The following ROBO2 variants were observed in gnomAD, a reference collection of about 807,000 sequenced individuals.
ROBO2 encodes roundabout guidance receptor 2, also known as roundabout homolog 2.
ROBO2 carries 53 observed loss-of-function variants against 160.8 expected under a neutral mutation model. The observed-to-expected ratio is 0.33, with a 90% CI of 0.26 to 0.41. The LOEUF is 0.41. Among genes scored for constraint, ROBO2 ranks in the 10% least tolerant of loss-of-function variants. ROBO2 has a pLI of 1.00. For synonymous variants in ROBO2, 664 were observed against 611.7 expected, an observed-to-expected ratio of 1.09 and a Z score of -1.26; for missense variants, 1,577 against 1,722.4, an observed-to-expected ratio of 0.92 and a Z score of 1.49.
chr3:77,523,640 C>G (rs773990073), intron 6 of ROBO2, among the ~76,000 whole-genome samples: 1 of 151,274 alleles, frequency 6.6e-6, no homozygotes, highest in South Asian at 2.1e-4. Flanking sequence ...TTGTTGATCA[C>G]GTGAGGGAAA....
chr3:76,727,936 C>T (rs1375485820), intron 2 of ROBO2, among the ~76,000 whole-genome samples: 1 of 151,832 alleles, frequency 6.6e-6, no homozygotes, highest in African/African-American at 2.4e-5. Flanking sequence ...ATGACAAATG[C>T]TTGAGGTGAT....
rs367569139 is a variant in ROBO2 at position 77,011,054 on chromosome 3, C to CTTTCTTTCTTTCTTTCTTTCT, written c.110-86958_110-86957insTCTTTCTTTCTTTCTTTCTTT. On this transcript the variant is annotated intron_variant, in intron 2 of 26. Transcript: ENST00000487694. Reference sequence around the variant, plus strand: ...GTTCTTTCTTTTCTTTTCTTTCTTTCTTCTTTCTTTCTTTCTTTCTTTCTT... The same window carrying CTTTCTTTCTTTCTTTCTTTCT: ...GTTCTTTCTTTTCTTTTCTTTCTTTCTTTCTTTCTTTCTTTCTTTCTTTCTTTCTTTCTTTCTTTCTTTCTT... 7.5e-5 allele frequency among the ~76,000 whole-genome samples: 8 copies of CTTTCTTTCTTTCTTTCTTTCT among 106,746 alleles called. No homozygotes were observed. The South Asian group carries it at 1.5e-3, about 20-fold the overall frequency. 70.0% of individuals were successfully genotyped at this position (106,746 alleles called of 152,430 possible).
intron 2 of ROBO2, among the ~76,000 whole-genome samples, chr3:77,352,281 G>T (rs999994775): frequency 1.4e-4 from 22 of 151,772 alleles, no homozygotes; most frequent in Non-Finnish European, 1.0e-4. Flanking sequence ...GAACATGTAG[G>T]CAGGAGTGAC....
intron 2 of ROBO2, among the ~76,000 whole-genome samples, chr3:76,199,400 G>A (rs189122517): frequency 4.6e-5 from 7 of 152,144 alleles, no homozygotes; most frequent in East Asian, 1.9e-4. Flanking sequence ...AAACTCCAAC[G>A]GGAGGGAAAT....
At chr3:77,565,897 G>A (rs2153664268) in intron 12 of ROBO2, among the ~76,000 whole-genome samples, 1 of 152,096 alleles carries the variant, frequency 6.6e-6, no homozygotes, top group East Asian at 1.9e-4. Flanking sequence ...GGAGTCTGAG[G>A]TTTAATATAC....
At chr3:76,086,275 G>C (rs866052206) in intron 2 of ROBO2, among the ~76,000 whole-genome samples, 6 of 152,122 alleles carry the variant, frequency 3.9e-5, no homozygotes, top group Non-Finnish European at 5.9e-5. Flanking sequence ...AAAACCACCA[G>C]ATCTCAGGAG....
chr3:77,002,944 A>G (rs2061403031), intron 2 of ROBO2, among the ~76,000 whole-genome samples: 1 of 151,338 alleles, frequency 6.6e-6, no homozygotes, highest in Non-Finnish European at 1.5e-5. Flanking sequence ...GTCTAGAAAT[A>G]CACTGTAATT....
intron 2 of ROBO2, among the ~76,000 whole-genome samples, chr3:77,392,832 A>G (rs2074877996): frequency 1.3e-5 from 2 of 152,186 alleles, no homozygotes; most frequent in South Asian, 2.1e-4. Flanking sequence ...CTGAATTTGC[A>G]GAAGTATTAT....
intron 2 of ROBO2, among the ~76,000 whole-genome samples, chr3:77,461,591 TAA>T (rs1237231984): frequency 1.3e-5 from 2 of 152,100 alleles, no homozygotes; most frequent in South Asian, 4.1e-4. Flanking sequence ...ATATGAAATA[TAA>T]AAGACATAGC....
intron 5 of ROBO2, among the ~76,000 whole-genome samples, chr3:77,519,976 A>T (rs921380409): frequency 6.6e-6 from 1 of 151,286 alleles, no homozygotes; most frequent in Non-Finnish European, 1.5e-5. Flanking sequence ...AACCATTCTG[A>T]CTGGTGTGAG....
intron 2 of ROBO2, among the ~76,000 whole-genome samples, chr3:76,615,009 G>C (rs780126526): frequency 6.6e-6 from 1 of 152,024 alleles, no homozygotes; most frequent in South Asian, 2.1e-4. Context: ...ACTTAAACAA[G>C]CTTTCATACT....
At chr3:77,295,260 T>A (rs1437054093) in intron 2 of ROBO2, among the ~76,000 whole-genome samples, 1 of 148,262 alleles carries the variant, frequency 6.7e-6, no homozygotes, top group South Asian at 2.1e-4. Context: ...AAATTGACGA[T>A]TAAACGGTAA....
At chr3:77,195,846 C>T (rs2082260948) in intron 2 of ROBO2, among the ~76,000 whole-genome samples, 1 of 152,148 alleles carries the variant, frequency 6.6e-6, no homozygotes, top group African/African-American at 2.4e-5. Flanking sequence ...TTATATTATC[C>T]CGAAAAGAAC....
At chr3:76,595,737 T>C (rs1158443326) in intron 2 of ROBO2, among the ~76,000 whole-genome samples, 2 of 152,006 alleles carry the variant, frequency 1.3e-5, no homozygotes, top group African/African-American at 2.4e-5. Context: ...GAATTCCAAA[T>C]AGGAATCAAA....
chr3:75,920,081 T>C (rs1334165365), intron 1 of ROBO2, among the ~76,000 whole-genome samples: 1 of 152,164 alleles, frequency 6.6e-6, no homozygotes, highest in East Asian at 1.9e-4. Flanking sequence ...TATGCTAGGT[T>C]TTGAATGTGT....
chr3:76,398,730 A>G (rs567368440), intron 2 of ROBO2, among the ~76,000 whole-genome samples: 54 of 151,932 alleles, frequency 3.6e-4, no homozygotes, highest in Non-Finnish European at 3.2e-4. Flanking sequence ...TAAATATACT[A>G]TTAAGTTTAG....
chr3:77,118,324 A>G (rs6796664), intron 2 of ROBO2, among the ~76,000 whole-genome samples: 27,404 of 152,150 alleles, frequency 0.18, 4,177 homozygotes, highest in African/African-American at 0.42. Flanking sequence ...GATGTTCAAA[A>G]AAGACACAAT....
At chr3:76,562,266 C>T (rs1013320809) in intron 2 of ROBO2, among the ~76,000 whole-genome samples, 1 of 151,762 alleles carries the variant, frequency 6.6e-6, no homozygotes, top group African/African-American at 2.4e-5. Flanking sequence ...CCCAGAAAAA[C>T]TAAAATAACA....
intron 2 of ROBO2, among the ~76,000 whole-genome samples, chr3:76,959,132 A>AGGCT (rs1210703214): frequency 3.3e-5 from 5 of 152,208 alleles, no homozygotes; most frequent in African/African-American, 1.2e-4. Flanking sequence ...AAGTCACCCA[A>AGGCT]GGCTGAGCTT....
Sources: gnomAD v4.1 joint callset for allele counts (sites outside exome capture counted in the v4.1 genomes callset) on GRCh38, gnomAD v4.1.1 for gene constraint, MANE v1.5 for transcripts, NCBI Gene and HGNC (gene_info 2026-07-23, HGNC 2026-07-21) for gene names.